The following POU6F2 variants were observed in gnomAD, a reference collection of about 807,000 sequenced individuals.
POU6F2 encodes the protein POU class 6 homeobox 2.
A neutral mutation model predicts 71.3 loss-of-function variants in POU6F2; 31 were observed. The observed-to-expected ratio is 0.43, with a 90% CI of 0.33 to 0.59. The LOEUF (loss-of-function observed/expected upper bound fraction) is 0.59. Among genes scored for constraint, POU6F2 ranks in the 20% least tolerant of loss-of-function variants. POU6F2 has a pLI of 0.04. For missense variants in POU6F2, 783 were observed against 856.8 expected, an observed-to-expected ratio of 0.91 and a Z score of 1.07; for synonymous variants, 347 against 355.7, an observed-to-expected ratio of 0.98 and a Z score of 0.27.
chr7:39,228,336 G>T (rs1251338878), intron 4 of POU6F2, among the ~76,000 whole-genome samples: 2 of 152,106 alleles, frequency 1.3e-5, no homozygotes, highest in Admixed American at 6.5e-5. Context: ...GCAGAGGATG[G>T]CCTATTGACG....
intron 2 of POU6F2, among the ~76,000 whole-genome samples, chr7:39,111,513 G>T (rs1791813518): frequency 6.6e-6 from 1 of 151,980 alleles, no homozygotes; most frequent in Non-Finnish European, 1.5e-5. Flanking sequence ...GTTGTTAATG[G>T]TTCTCTGCAT....
chr7:39,133,602 A>G (rs1035498044), intron 2 of POU6F2, among the ~76,000 whole-genome samples: 1 of 152,170 alleles, frequency 6.6e-6, no homozygotes. Context: ...TATCTTCTGC[A>G]TTTGTTTACC....
intron 1 of POU6F2, among the ~76,000 whole-genome samples, chr7:38,979,856 C>T (rs1249784676): frequency 1.3e-5 from 2 of 150,992 alleles, no homozygotes; most frequent in East Asian, 2.0e-4. Context: ...TTTCCTTTTT[C>T]TATATATTTC....
At chr7:39,340,038 C>T in intron 5 of POU6F2, 23 bp downstream of exon 5, 1 of 1,580,386 alleles carries the variant, frequency 6.3e-7, no homozygotes, top group South Asian at 1.2e-5. Context: ...TGCTTCCCGT[C>T]TGCCCCTAGG....
intron 1 of POU6F2, among the ~76,000 whole-genome samples, chr7:39,023,407 C>T (rs796941016): frequency 2.6e-5 from 4 of 152,020 alleles, no homozygotes; most frequent in African/African-American, 9.7e-5. Flanking sequence ...CTTCCCCATT[C>T]CCTCAGTGAA....
At chr7:39,273,500 C>T (rs1344565263) in intron 4 of POU6F2, among the ~76,000 whole-genome samples, 1 of 152,158 alleles carries the variant, frequency 6.6e-6, no homozygotes, top group Non-Finnish European at 1.5e-5. Flanking sequence ...CTGGCTAGTA[C>T]TCCTCAGAAT....
At chr7:39,169,241 T>C (rs1052011245) in intron 2 of POU6F2, among the ~76,000 whole-genome samples, 3 of 152,356 alleles carry the variant, frequency 2.0e-5, no homozygotes, top group African/African-American at 7.2e-5. Flanking sequence ...GCCTGCTGAT[T>C]TTTAGTCACA....
chr7:39,067,082 G>A (rs968461018), intron 1 of POU6F2, among the ~76,000 whole-genome samples: 7 of 145,916 alleles, frequency 4.8e-5, no homozygotes, highest in Middle Eastern at 4.0e-3. Flanking sequence ...TACACTTAAC[G>A]TATACACACA....
At position 39,464,780 on chromosome 7, in the gene POU6F2, AT is replaced by A; in HGVS notation, c.*97del. The A allele has an allele frequency of 7.3e-7, 1 of 1,366,674 alleles. No homozygotes were observed. Among genetic ancestry groups the A allele is most frequent in the Non-Finnish European group, 9.7e-7 (1 of 1,031,302 alleles). 84.7% of individuals were successfully genotyped at this position (1,366,674 alleles called of 1,614,324 possible). On this transcript the variant is annotated 3_prime_UTR_variant, in exon 10 of 10. Coordinates refer to ENST00000518318, the MANE Select transcript of POU6F2 (RefSeq NM_001370959.1). This position sits in a 1 kb window ranked among gnomAD's most constrained non-coding sequence, Gnocchi z 4.1. ...AACAACAACAACAAAATTTAATTTA[AT>A]TTAAAAATAGCCCCAGTCGTCATCA... is the stretch of plus-strand genomic sequence containing the variant.
chr7:39,329,397 A>G (rs1785588629), intron 4 of POU6F2, among the ~76,000 whole-genome samples: 1 of 152,002 alleles, frequency 6.6e-6, no homozygotes, highest in Non-Finnish European at 1.5e-5. Flanking sequence ...TCTGAGGGCA[A>G]TTTCTACTTT....
chr7:39,297,754 A>G (rs899859417), intron 4 of POU6F2, among the ~76,000 whole-genome samples: 3 of 148,256 alleles, frequency 2.0e-5, no homozygotes, highest in African/African-American at 5.3e-5. Flanking sequence ...ACTTCAAACT[A>G]TATTACAAGG....
chr7:39,125,657 G>A, intron 2 of POU6F2, among the ~76,000 whole-genome samples: 1 of 152,040 alleles, frequency 6.6e-6, no homozygotes, highest in East Asian at 1.9e-4. Flanking sequence ...GAAGCATAAA[G>A]AAAGCCCATT....
In POU6F2 at chr7:39,071,878, C is replaced by T. The variant is rs567738453; in HGVS notation, c.106-13982C>T. ...TATCTTAACACTAATTCGGATTTTT[C>T]TGCTTATTTTAATTCAAAAGATGAT... On this transcript the variant is annotated intron_variant, in intron 1 of 9. Coordinates refer to ENST00000518318, the MANE Select transcript of POU6F2 (RefSeq NM_001370959.1). Among the ~76,000 whole-genome samples, 21 of 152,126 alleles carry T rather than the reference C, an allele frequency of 1.4e-4. No homozygotes were observed. The East Asian group carries it at 3.9e-3, about 28-fold the overall frequency.
intron 2 of POU6F2, among the ~76,000 whole-genome samples, chr7:39,129,286 G>T (rs1792206831): frequency 6.6e-6 from 1 of 152,178 alleles, no homozygotes; most frequent in Non-Finnish European, 1.5e-5. Context: ...TAGAAATTCT[G>T]CCTATCTTGT....
At chr7:39,081,214 A>G (rs1324419126) in intron 1 of POU6F2, among the ~76,000 whole-genome samples, 1 of 152,242 alleles carries the variant, frequency 6.6e-6, no homozygotes, top group Non-Finnish European at 1.5e-5. Flanking sequence ...GCACTACACA[A>G]ATATGTACTT....
intron 1 of POU6F2, among the ~76,000 whole-genome samples, chr7:39,045,138 T>A (rs966990491): frequency 5.3e-5 from 8 of 151,970 alleles, no homozygotes; most frequent in African/African-American, 1.9e-4. Flanking sequence ...CCTGTAGTTA[T>A]GATATAGTAC....
intron 4 of POU6F2, among the ~76,000 whole-genome samples, chr7:39,295,487 A>C (rs919376718): frequency 6.6e-6 from 1 of 152,216 alleles, no homozygotes. Flanking sequence ...GTGATGGCAC[A>C]TGCCTATAAT....
At chr7:39,085,092 T>C (rs1791209267) in intron 1 of POU6F2, 2 of 152,208 alleles carry the variant, frequency 1.3e-5, no homozygotes, top group African/African-American at 4.8e-5. Flanking sequence ...GCTCTGGGTG[T>C]ACGATGCTCT....
At chr7:38,986,483 T>C (rs866005811) in intron 1 of POU6F2, among the ~76,000 whole-genome samples, 1 of 152,150 alleles carries the variant, frequency 6.6e-6, no homozygotes, top group Non-Finnish European at 1.5e-5. Flanking sequence ...CTGAAACCTA[T>C]CAACTGCAAT....
Sources: allele counts gnomAD v4.1 joint callset (sites outside exome capture counted in the v4.1 genomes callset), GRCh38; gene constraint gnomAD v4.1.1; non-coding constraint Gnocchi (gnomAD v3.1); transcripts MANE v1.5; gene names NCBI Gene and HGNC (gene_info 2026-07-23, HGNC 2026-07-21).